Variants in TCF12 observed in about 807,000 individuals in gnomAD.
TCF12 encodes the protein transcription factor 12, also known as DNA-binding protein HTF4.
A neutral mutation model predicts 86.0 loss-of-function variants in TCF12; 45 were observed. That is an observed-to-expected ratio of 0.52 (90% confidence interval 0.41 to 0.67). The LOEUF (loss-of-function observed/expected upper bound fraction) is 0.67, where lower values mean the gene tolerates loss of function less well. Ranked by LOEUF, TCF12 falls within the 30% of genes least tolerant of loss-of-function variation. The pLI is 0.00. For missense variants in TCF12, 881 were observed against 859.9 expected, an observed-to-expected ratio of 1.02 and a Z score of -0.31; for synonymous variants, 330 against 299.6, an observed-to-expected ratio of 1.10 and a Z score of -1.05.
At chr15:57,065,091 T>G (rs193295180) in intron 4 of TCF12, among the ~76,000 whole-genome samples, 65 of 152,324 alleles carry the variant, frequency 4.3e-4, no homozygotes, top group Admixed American at 9.1e-4. Context: ...ATGTTTAATT[T>G]ATTTTAAATC....
chr15:56,919,458 C>G (rs2059664431), intron 1 of TCF12: 1 of 154,038 alleles, frequency 6.5e-6, no homozygotes, highest in Non-Finnish European at 1.4e-5. Context: ...TCTATTGTTG[C>G]CGAGCGAGTG....
chr15:57,247,481 G>A (rs1188477416), intron 13 of TCF12: 13 of 742,670 alleles, frequency 1.8e-5, no homozygotes, highest in Admixed American at 1.1e-4. Context: ...CCCATTAATA[G>A]TGTGGCATTT....
intron 3 of TCF12, among the ~76,000 whole-genome samples, chr15:56,951,684 C>G (rs1482439641): frequency 6.6e-6 from 1 of 152,124 alleles, no homozygotes; most frequent in African/African-American, 2.4e-5. Flanking sequence ...AGGTTTTGCT[C>G]TGTTGCTCAG....
At chr15:57,232,987 ATG>A (rs2059212304) in intron 11 of TCF12, 131 bp downstream of exon 11, 4 of 520,866 alleles carry the variant, frequency 7.7e-6, no homozygotes, top group Admixed American at 1.0e-4. Flanking sequence ...ATATATGTAT[ATG>A]TGTGTTATAT....
intron 3 of TCF12, among the ~76,000 whole-genome samples, chr15:56,992,595 T>C (rs1391293900): frequency 6.6e-6 from 1 of 152,194 alleles, no homozygotes; most frequent in Non-Finnish European, 1.5e-5. Flanking sequence ...ATTATGCCAT[T>C]GTGAATTTTA....
At chr15:56,933,286 G>A (rs956762346) in intron 3 of TCF12, among the ~76,000 whole-genome samples, 3 of 152,156 alleles carry the variant, frequency 2.0e-5, no homozygotes, top group Non-Finnish European at 4.4e-5. Flanking sequence ...TTCATTAAAT[G>A]AAAGGTAATA....
chr15:57,258,776 A>C (rs549436422), intron 16 of TCF12, among the ~76,000 whole-genome samples: 1 of 152,188 alleles, frequency 6.6e-6, no homozygotes, highest in Non-Finnish European at 1.5e-5. Flanking sequence ...AATATAAATC[A>C]TGTCTGTTTT....
rs546186200 is a variant in TCF12 at position 57,025,013 on chromosome 15, G to A, written c.149-38737G>A. Among the ~76,000 whole-genome samples, 46 of 152,086 alleles carry A rather than the reference G, an allele frequency of 3.0e-4. 3 individuals carry two copies. In the South Asian group the frequency reaches 9.4e-3, roughly 31 times the overall value. On this transcript the variant is annotated intron_variant, in intron 3 of 20. Coordinates refer to ENST00000333725, the MANE Select transcript of TCF12 (RefSeq NM_207037.2). ...TGAAATTATGAAAATGTGTTGCATA[G>A]CTATGATGGAACAGCACCTAAATTC...
chr15:57,072,205 A>G (rs1306274006), intron 4 of TCF12, among the ~76,000 whole-genome samples: 3 of 152,174 alleles, frequency 2.0e-5, no homozygotes, highest in African/African-American at 7.2e-5. Flanking sequence ...AAATTTCACA[A>G]AGGGGAAAAC....
At chr15:57,095,475 A>G (rs1351383509) in intron 5 of TCF12, among the ~76,000 whole-genome samples, 1 of 152,230 alleles carries the variant, frequency 6.6e-6, no homozygotes, top group Non-Finnish European at 1.5e-5. Flanking sequence ...GTGATTGTGT[A>G]ATAAACTACT....
intron 18 of TCF12, among the ~76,000 whole-genome samples, chr15:57,265,817 T>A (rs1012446711): frequency 6.6e-6 from 1 of 152,202 alleles, no homozygotes; most frequent in African/African-American, 2.4e-5. Context: ...GGCAGCACAG[T>A]AGGTTTGTTT....
At chr15:56,966,908 A>G (rs546859295) in intron 3 of TCF12, among the ~76,000 whole-genome samples, 1 of 151,894 alleles carries the variant, frequency 6.6e-6, no homozygotes, top group Non-Finnish European at 1.5e-5. Flanking sequence ...GGATCACTTG[A>G]GGTCGGGAGT....
At chr15:56,974,970 A>AT (rs2062525349) in intron 3 of TCF12, among the ~76,000 whole-genome samples, 1 of 152,174 alleles carries the variant, frequency 6.6e-6, no homozygotes, top group African/African-American at 2.4e-5. Flanking sequence ...TTAAAAAATC[A>AT]TTAGCCATGT....
chr15:57,236,458 ACT>A (rs2059384474), intron 12 of TCF12, among the ~76,000 whole-genome samples: 1 of 152,046 alleles, frequency 6.6e-6, no homozygotes, highest in Non-Finnish European at 1.5e-5. Flanking sequence ...ATGGTGACTG[ACT>A]CTTTTGAAAT....
chr15:57,241,355 G>C (rs2059620430), intron 12 of TCF12, among the ~76,000 whole-genome samples: 1 of 152,086 alleles, frequency 6.6e-6, no homozygotes, highest in Non-Finnish European at 1.5e-5. Flanking sequence ...GCCTCCCAAA[G>C]TGCTGGGATT....
At chr15:57,097,264 G>C (rs764006866) in intron 5 of TCF12, among the ~76,000 whole-genome samples, 111 of 152,236 alleles carry the variant, frequency 7.3e-4, no homozygotes, top group Middle Eastern at 3.4e-3. Context: ...TTTTGGCTTA[G>C]TGGGGTGGCT....
intron 3 of TCF12, among the ~76,000 whole-genome samples, chr15:56,963,290 T>C (rs1190589571): frequency 6.6e-6 from 1 of 152,158 alleles, no homozygotes; most frequent in Non-Finnish European, 1.5e-5. Context: ...GGGTCAGAAG[T>C]ATTTTACATC....
upstream of TCF12, chr15:56,918,132 G>T (rs2059589270): frequency 1.3e-5 from 6 of 450,090 alleles, no homozygotes; most frequent in South Asian, 9.4e-5. Context: ...CACACGCGCG[G>T]TGTCTGCGCC....
intron 3 of TCF12, among the ~76,000 whole-genome samples, chr15:56,972,865 C>G (rs75520323): frequency 0.041 from 6,167 of 152,148 alleles, 374 homozygotes; most frequent in Admixed American, 0.17. Flanking sequence ...CAGACTAACA[C>G]AACTTTTGAA....
Sources: allele counts gnomAD v4.1 joint callset (sites outside exome capture counted in the v4.1 genomes callset), GRCh38; gene constraint gnomAD v4.1.1; transcripts MANE v1.5; gene names NCBI Gene and HGNC (gene_info 2026-07-23, HGNC 2026-07-21).